LBP: variants seen among roughly 807,000 people sequenced by gnomAD.
LBP encodes lipopolysaccharide-binding protein.
A neutral mutation model predicts 56.6 loss-of-function variants in LBP; 53 were observed. The ratio of observed to expected loss-of-function variants is 0.94; its 90% confidence interval spans 0.75 to 1.18. The LOEUF (loss-of-function observed/expected upper bound fraction) is 1.18, where lower values mean the gene tolerates loss of function less well. Among genes scored for constraint, LBP ranks in the 50% most tolerant of loss-of-function variants. The pLI, the probability that LBP is intolerant of heterozygous loss-of-function variation, is 0.00. For missense variants in LBP, 601 were observed against 598.3 expected, an observed-to-expected ratio of 1.00 and a Z score of -0.05; for synonymous variants, 227 against 247.5, an observed-to-expected ratio of 0.92 and a Z score of 0.78.
chr20:38,369,842 C>T (rs900198647), intron 10 of LBP, among the ~76,000 whole-genome samples: 5 of 152,120 alleles, frequency 3.3e-5, no homozygotes, highest in African/African-American at 4.8e-5. Context: ...ATTCCCTCTG[C>T]GTTAAACATT....
chr20:38,362,215 C>A (rs146541773), intron 6 of LBP, among the ~76,000 whole-genome samples: 2 of 150,684 alleles, frequency 1.3e-5, no homozygotes, highest in African/African-American at 4.9e-5. Flanking sequence ...CCCGCCACCA[C>A]GTCTGGCTAA....
chr20:38,366,750 T>C lies in LBP; in HGVS notation c.922-19T>C. On this transcript the variant is annotated intron_variant, in intron 8 of 14. Coordinates refer to ENST00000217407, the MANE Select transcript of LBP (RefSeq NM_004139.5). ...CCAGCGGGAGCACCCTAAAACTTCT[T>C]CATGTCTCTTTGCTGCAGATACCGC... is the stretch of plus-strand genomic sequence containing the variant. 1 of 1,613,590 alleles carries C rather than the reference T, an allele frequency of 6.2e-7. No homozygotes were observed. The highest frequency in any genetic ancestry group is 8.5e-7 in the Non-Finnish European group (1 of 1,179,674).
intron 10 of LBP, 33 bp from the exon 11 acceptor site, chr20:38,370,705 C>G (rs1481653399): frequency 6.3e-7 from 1 of 1,594,912 alleles, no homozygotes; most frequent in Non-Finnish European, 8.6e-7. Flanking sequence ...ACCTTCATCA[C>G]TTACACCTGC....
chr20:38,362,985 C>T (rs2076866701), intron 6 of LBP, among the ~76,000 whole-genome samples: 1 of 152,124 alleles, frequency 6.6e-6, no homozygotes, highest in South Asian at 2.1e-4. Context: ...GAGGTCCATG[C>T]ATATTGTTGC....
chr20:38,372,575 T>C (rs2076904223), intron 12 of LBP, among the ~76,000 whole-genome samples: 1 of 152,190 alleles, frequency 6.6e-6, no homozygotes, highest in African/African-American at 2.4e-5. Context: ...GTAAGTCCCT[T>C]TCATTCTGTA....
chr20:38,374,043 G>C, intron 14 of LBP, 30 bp downstream of exon 14: 1 of 1,602,292 alleles, frequency 6.2e-7, no homozygotes, highest in East Asian at 2.2e-5. Context: ...CTCTGAGGAT[G>C]TGTGAGGGAG....
chr20:38,362,667 G>A (rs2076865334), intron 6 of LBP, among the ~76,000 whole-genome samples: 1 of 151,368 alleles, frequency 6.6e-6, no homozygotes, highest in South Asian at 2.1e-4. Context: ...ATGAGGTCAG[G>A]TCAGGCTTGG....
intron 10 of LBP, among the ~76,000 whole-genome samples, chr20:38,369,788 T>G (rs2076895038): frequency 6.6e-6 from 1 of 152,226 alleles, no homozygotes; most frequent in South Asian, 2.1e-4. Context: ...CTTTACTAGC[T>G]TCTCAACAAT....
rs1364516258 is a variant in LBP at position 38,354,372 on chromosome 20, A to G, written c.457A>G (p.Thr153Ala). ...LLGSESSGRP[T>A]VTASSCSSDI... ...GGGCAGCGAGTCCTCCGGGAGGCCC[A>G]CAGTTACTGCCTCCAGCTGCAGCAG... Residue 153 changes from threonine (T) to alanine (A), a missense_variant, in exon 4 of 15, where the codon ACA (threonine) becomes GCA (alanine). By Grantham distance (58) the Thr-to-Ala change is moderately conservative. Coordinates refer to ENST00000217407, the MANE Select transcript of LBP (RefSeq NM_004139.5). The G allele has an allele frequency of 6.2e-7, 1 of 1,613,554 alleles. No individual in the cohort carries two copies. The highest frequency in any genetic ancestry group is 1.3e-5 in the African/African-American group (1 of 74,912).
In LBP at chr20:38,360,647, C is replaced by A. The variant is rs558989148; in HGVS notation, c.589-57C>A. The A allele has an allele frequency of 3.3e-6, 4 of 1,205,166 alleles. No homozygotes were observed. In the African/African-American group the frequency reaches 6.0e-5, roughly 18 times the overall value. 74.7% of individuals were successfully genotyped at this position (1,205,166 alleles called of 1,614,324 possible). A position where few individuals can be genotyped will look rare whatever the true frequency, so the allele number is the denominator to read the frequency against. The stretch of plus-strand genomic sequence containing the variant: ...AATAATGTGACTGCAGTGATCAGCA[C>A]GGGGCCAGACCAGAGCTGGGGAACT... On this transcript the variant is annotated intron_variant, in intron 5 of 14. Transcript: ENST00000217407.
chr20:38,372,958 G>A, intron 12 of LBP, 114 bp from the exon 13 acceptor site: 2 of 809,982 alleles, frequency 2.5e-6, no homozygotes, highest in Non-Finnish European at 2.1e-6. Context: ...TTATAAAATA[G>A]TAGCATGATG....
chr20:38,350,930 A>C lies in LBP; in HGVS notation c.359A>C (p.Lys120Thr), dbSNP rs780119048. The C allele has an allele frequency of 6.2e-6, 10 of 1,613,706 alleles. No individual in the cohort carries two copies. In the South Asian group the frequency reaches 1.1e-4, roughly 18 times the overall value. Residue 120 changes from lysine to threonine, a missense_variant, in exon 3 of 15, where the codon AAG becomes ACG. Coordinates refer to ENST00000217407, the MANE Select transcript of LBP (RefSeq NM_004139.5). Reference sequence around the variant, plus strand: ...GTCCAGGGCAGGTGGAAGGTGCGCAAGTCATTCTTGTAAGTTGGCTCTGCT... The same window carrying C: ...GTCCAGGGCAGGTGGAAGGTGCGCACGTCATTCTTGTAAGTTGGCTCTGCT... Reference protein sequence around the residue: ...IRVQGRWKVRKSFFKLQGSFD... With the variant: ...IRVQGRWKVRTSFFKLQGSFD...
At chr20:38,364,186 T>C (rs2076872281) in intron 7 of LBP, 120 bp downstream of exon 7, 2 of 709,942 alleles carry the variant, frequency 2.8e-6, no homozygotes, top group Admixed American at 4.5e-5. Context: ...TCCCGCTTTG[T>C]CAAGGGCCGG....
In LBP at chr20:38,355,425, C is replaced by A; in HGVS notation, c.588+16C>A. ...GGAGAGCAGGGTAAGAAGGTCCAAG[C>A]CTCTGGCCTCCCCCGAGCTTGGCGA... On this transcript the variant is annotated intron_variant, in intron 5 of 14. Transcript: ENST00000217407. 3 of 1,610,896 alleles carry A rather than the reference C, an allele frequency of 1.9e-6. No individual in the cohort carries two copies. Among genetic ancestry groups the A allele is most frequent in the Non-Finnish European group, 2.5e-6 (3 of 1,177,608 alleles).
chr20:38,369,242 C>A, intron 10 of LBP, 80 bp downstream of exon 10: 2 of 1,366,694 alleles, frequency 1.5e-6, no homozygotes. Flanking sequence ...TTTCTCCCCA[C>A]TCACCACCTG....
chr20:38,349,289 G>C (rs1161936553), intron 1 of LBP, among the ~76,000 whole-genome samples: 2 of 152,204 alleles, frequency 1.3e-5, no homozygotes, highest in African/African-American at 4.8e-5. Flanking sequence ...TTTTGCCCTT[G>C]GGGATTTGTT....
In LBP at chr20:38,354,354, G is replaced by A. The variant is rs36015492; in HGVS notation, c.439G>A (p.Glu147Lys). The change falls in exon 4 of 15, where the codon GAG (glutamate) becomes AAG (lysine). Residue 147 changes from glutamate to lysine, a missense_variant. Transcript: ENST00000217407. The part of the protein sequence containing the change: ...SISVNLLLGS[E>K]SSGRPTVTAS... The stretch of plus-strand genomic sequence containing the variant: ...TTCGGTCAACCTCCTGTTGGGCAGC[G>A]AGTCCTCCGGGAGGCCCACAGTTAC... The A allele has an allele frequency of 0.014, 21,985 of 1,613,678 alleles. 188 individuals are homozygous for A. The highest frequency in any genetic ancestry group is 0.016 in the Non-Finnish European group (18,500 of 1,179,922).
intron 5 of LBP, among the ~76,000 whole-genome samples, chr20:38,359,419 T>TAAAATTACA (rs2076851977): frequency 6.6e-6 from 1 of 151,930 alleles, no homozygotes; most frequent in African/African-American, 2.4e-5. Context: ...CAGTCTCTAC[T>TAAAATTACA]AAAATTACAA....
At position 38,364,020 on chromosome 20, in the gene LBP, T is replaced by C. The variant is rs1325457140; in HGVS notation, c.698T>C (p.Val233Ala). 1 of 1,614,076 alleles carries C rather than the reference T, an allele frequency of 6.2e-7. No individual in the cohort carries two copies. Among genetic ancestry groups the C allele is most frequent in the South Asian group, 1.1e-5 (1 of 91,084 alleles). Residue 233 changes from valine (V) to alanine (A), a missense_variant, in exon 7 of 15, where the codon GTG (valine) becomes GCG (alanine). Transcript: ENST00000217407. ...DSFADIDYSL[V>A]EAPRATAQML... ...TTCGCCGACATTGATTATAGCTTAGTGGAAGCCCCTCGGGCAACAGCCCAG... is the reference window on the plus strand; with the variant it reads ...TTCGCCGACATTGATTATAGCTTAGCGGAAGCCCCTCGGGCAACAGCCCAG...
Sources: gnomAD v4.1 joint callset for allele counts (sites outside exome capture counted in the v4.1 genomes callset) on GRCh38, gnomAD v4.1.1 for gene constraint, MANE v1.5 for transcripts, NCBI Gene and HGNC (gene_info 2026-07-23, HGNC 2026-07-21) for gene names.